The following AGBL4 variants were observed in gnomAD, a reference collection of about 807,000 sequenced individuals.
AGBL4 encodes cytosolic carboxypeptidase 6.
In AGBL4, 58 loss-of-function variants were observed where a neutral mutation model predicts 66.4. The ratio of observed to expected loss-of-function variants is 0.87; its 90% confidence interval spans 0.71 to 1.09. The LOEUF is 1.09. AGBL4 is among the 50% of genes least tolerant of loss of function. AGBL4 has a pLI of 0.00. For synonymous variants in AGBL4, 234 were observed against 222.9 expected, an observed-to-expected ratio of 1.05 and a Z score of -0.44; for missense variants, 579 against 631.0, an observed-to-expected ratio of 0.92 and a Z score of 0.88.
chr1:49,315,912 T>C (rs1645031894), intron 3 of AGBL4, among the ~76,000 whole-genome samples: 1 of 152,192 alleles, frequency 6.6e-6, no homozygotes, highest in South Asian at 2.1e-4. Flanking sequence ...ATTTATACAA[T>C]GAAATGTAAT....
intron 5 of AGBL4, among the ~76,000 whole-genome samples, chr1:48,995,968 A>G (rs1056861227): frequency 3.3e-5 from 5 of 152,186 alleles, no homozygotes; most frequent in Admixed American, 6.5e-5. Context: ...CAGCAGTCCA[A>G]ACATATAATA....
chr1:49,802,260 CG>C (rs11338667), intron 2 of AGBL4, among the ~76,000 whole-genome samples: 8,112 of 151,438 alleles, frequency 0.054, 238 homozygotes, highest in African/African-American at 0.071. Flanking sequence ...ACAGACACAT[CG>C]GGGGGGGTCG....
intron 1 of AGBL4, among the ~76,000 whole-genome samples, chr1:49,864,761 A>T (rs143182344): frequency 1.3e-5 from 2 of 152,276 alleles, no homozygotes; most frequent in African/African-American, 4.8e-5. Flanking sequence ...GAGACTGCCT[A>T]AAATTATCAA....
intron 6 of AGBL4, among the ~76,000 whole-genome samples, chr1:48,758,511 G>C (rs1386397156): frequency 2.0e-5 from 3 of 152,096 alleles, no homozygotes; most frequent in Non-Finnish European, 4.4e-5. Flanking sequence ...ATCACTTTCT[G>C]ACTTAAACTA....
At chr1:49,071,172 T>C (rs1644596846) in intron 4 of AGBL4, among the ~76,000 whole-genome samples, 1 of 151,970 alleles carries the variant, frequency 6.6e-6, no homozygotes. Context: ...CTATCTATTT[T>C]GTTTATCTTT....
intron 2 of AGBL4, among the ~76,000 whole-genome samples, chr1:49,747,882 T>C (rs879703608): frequency 2.0e-5 from 3 of 151,932 alleles, no homozygotes; most frequent in African/African-American, 7.3e-5. Context: ...AAATGTTTAA[T>C]AACAAACTGT....
intron 6 of AGBL4, among the ~76,000 whole-genome samples, chr1:48,726,685 C>T: frequency 6.6e-6 from 1 of 152,206 alleles, no homozygotes; most frequent in East Asian, 1.9e-4. Context: ...ACCTCTCCTA[C>T]TTACTCCAGA....
intron 3 of AGBL4, among the ~76,000 whole-genome samples, chr1:49,342,544 A>C (rs186211811): frequency 6.6e-6 from 1 of 152,192 alleles, no homozygotes; most frequent in Admixed American, 6.5e-5. Context: ...GAGGGCAGGA[A>C]TTTTGCAGTT....
At chr1:49,006,318 C>G (rs1438377363) in intron 5 of AGBL4, among the ~76,000 whole-genome samples, 1 of 152,146 alleles carries the variant, frequency 6.6e-6, no homozygotes, top group Non-Finnish European at 1.5e-5. Flanking sequence ...GCTTTTCCAA[C>G]GGGCTTAAAA....
At chr1:49,619,923 G>A (rs903367101) in intron 3 of AGBL4, among the ~76,000 whole-genome samples, 1 of 152,136 alleles carries the variant, frequency 6.6e-6, no homozygotes, top group Non-Finnish European at 1.5e-5. Context: ...GCCACATGCA[G>A]AAAACTGAAA....
intron 3 of AGBL4, among the ~76,000 whole-genome samples, chr1:49,532,352 A>G (rs1651206101): frequency 6.6e-6 from 1 of 152,142 alleles, no homozygotes; most frequent in African/African-American, 2.4e-5. Context: ...AATGGATACA[A>G]AAGAGCTGAG....
chr1:48,914,098 A>T (rs1653383628), intron 5 of AGBL4, among the ~76,000 whole-genome samples: 1 of 152,220 alleles, frequency 6.6e-6, no homozygotes, highest in Admixed American at 6.5e-5. Flanking sequence ...AATTGAAGCC[A>T]CGAGAGGGGA....
At chr1:49,977,570 C>T (rs1344434377) in intron 1 of AGBL4, among the ~76,000 whole-genome samples, 3 of 152,224 alleles carry the variant, frequency 2.0e-5, no homozygotes, top group African/African-American at 7.2e-5. Flanking sequence ...GCCCATAGAC[C>T]ATCTGAAGGA....
At chr1:49,778,395 T>C (rs773336035) in intron 2 of AGBL4, among the ~76,000 whole-genome samples, 2 of 152,164 alleles carry the variant, frequency 1.3e-5, no homozygotes, top group Non-Finnish European at 1.5e-5. Flanking sequence ...GCTGCAACTA[T>C]GAGTAAGGCT....
chr1:48,776,531 GCCCGGGC>G, intron 6 of AGBL4: 1 of 618,304 alleles, frequency 1.6e-6, no homozygotes, highest in Non-Finnish European at 2.4e-6. Flanking sequence ...GGTCCCCTCC[GCCCGGGC>G]CCCCGGCCCC....
At chr1:48,999,015 A>C (rs1228610953) in intron 5 of AGBL4, among the ~76,000 whole-genome samples, 1 of 152,218 alleles carries the variant, frequency 6.6e-6, no homozygotes, top group African/African-American at 2.4e-5. Context: ...GTTTACTTCC[A>C]TAAAAGGAGG....
intron 3 of AGBL4, among the ~76,000 whole-genome samples, chr1:49,330,847 AGCACCTTT>A (rs1234704990): frequency 2.0e-5 from 3 of 152,180 alleles, no homozygotes; most frequent in Non-Finnish European, 4.4e-5. Context: ...GAGTAAATTC[AGCACCTTT>A]AATTGAAATA....
chr1:48,582,627 T>C (rs947844987), intron 11 of AGBL4, among the ~76,000 whole-genome samples: 1 of 152,216 alleles, frequency 6.6e-6, no homozygotes, highest in African/African-American at 2.4e-5. Context: ...AGAACATTTG[T>C]TGAGTACCTA....
chr1:49,027,494 G>A (rs760869696), intron 5 of AGBL4, among the ~76,000 whole-genome samples: 4 of 152,024 alleles, frequency 2.6e-5, no homozygotes, highest in Non-Finnish European at 4.4e-5. Flanking sequence ...ATCATTTGAA[G>A]TCATTTAAAG....
Sources: gnomAD v4.1 joint callset for allele counts (sites outside exome capture counted in the v4.1 genomes callset) on GRCh38, gnomAD v4.1.1 for gene constraint, MANE v1.5 for transcripts, NCBI Gene and HGNC (gene_info 2026-07-23, HGNC 2026-07-21) for gene names.